LMBRD1: variants seen among roughly 807,000 people sequenced by gnomAD.
The protein encoded by LMBRD1 is LMBR1 domain containing 1, also known as lysosomal cobalamin transport escort protein LMBD1.
In LMBRD1, 64 loss-of-function variants were observed where a neutral mutation model predicts 74.8. The observed-to-expected ratio is 0.86, with a 90% confidence interval of 0.70 to 1.05. The LOEUF is 1.05. Ranked by LOEUF, LMBRD1 falls within the 50% of genes least tolerant of loss-of-function variation. LMBRD1 has a pLI of 0.00. For missense variants in LMBRD1, 652 were observed against 645.9 expected (o/e 1.01, Z -0.10); for synonymous variants, 204 against 216.3 (o/e 0.94, Z 0.50).
chr6:69,691,254 A>G, intron 14 of LMBRD1, among the ~76,000 whole-genome samples: 1 of 151,056 alleles, frequency 6.6e-6, no homozygotes, highest in East Asian at 1.9e-4. Context: ...AAAAAACTGG[A>G]ATCCAGACAT....
chr6:69,730,695 T>G (rs1470428593), intron 7 of LMBRD1, among the ~76,000 whole-genome samples: 1 of 152,046 alleles, frequency 6.6e-6, no homozygotes, highest in Non-Finnish European at 1.5e-5. Context: ...TGATTTGACA[T>G]TAAAGCAAAA....
At chr6:69,737,155 C>A (rs1766994334) in intron 7 of LMBRD1, among the ~76,000 whole-genome samples, 2 of 152,034 alleles carry the variant, frequency 1.3e-5, no homozygotes, top group African/African-American at 4.8e-5. Flanking sequence ...AAAAATGTTT[C>A]CTTTGTAACC....
At chr6:69,720,773 C>T (rs1766596676) in intron 7 of LMBRD1, among the ~76,000 whole-genome samples, 1 of 152,132 alleles carries the variant, frequency 6.6e-6, no homozygotes, top group African/African-American at 2.4e-5. Context: ...AACCAAAAAT[C>T]CAGTAAGCAA....
intron 9 of LMBRD1, among the ~76,000 whole-genome samples, chr6:69,708,602 G>C (rs1766313034): frequency 6.6e-6 from 1 of 151,726 alleles, no homozygotes; most frequent in Admixed American, 6.6e-5. Flanking sequence ...TTATGTATAT[G>C]CTAGGGAAAT....
chr6:69,787,358 C>T (rs193114047), intron 2 of LMBRD1, among the ~76,000 whole-genome samples: 4 of 152,204 alleles, frequency 2.6e-5, no homozygotes, highest in Admixed American at 1.3e-4. Context: ...TACAGACACA[C>T]AGAATGTTTC....
chr6:69,743,515 A>C (rs941232389), intron 5 of LMBRD1, among the ~76,000 whole-genome samples: 2 of 152,212 alleles, frequency 1.3e-5, no homozygotes, highest in African/African-American at 4.8e-5. Context: ...TAATCAAAAA[A>C]ACTAAAAAGA....
intron 14 of LMBRD1, among the ~76,000 whole-genome samples, chr6:69,691,249 A>G (rs551848286): frequency 6.6e-6 from 1 of 151,766 alleles, no homozygotes; most frequent in East Asian, 1.9e-4. Flanking sequence ...AAAAAAAAAA[A>G]CTGGAATCCA....
chr6:69,743,867 C>A (rs1165228807), intron 5 of LMBRD1, among the ~76,000 whole-genome samples: 2 of 152,122 alleles, frequency 1.3e-5, no homozygotes, highest in African/African-American at 4.8e-5. Context: ...ATCCAGAGGG[C>A]AGAGCAGCAC....
At chr6:69,766,837 A>T (rs12525951) in intron 3 of LMBRD1, among the ~76,000 whole-genome samples, 2 of 151,312 alleles carry the variant, frequency 1.3e-5, no homozygotes, top group African/African-American at 4.8e-5. Context: ...TCTTGTGTGA[A>T]GAAATCTAGG....
intron 5 of LMBRD1, among the ~76,000 whole-genome samples, chr6:69,747,486 T>C (rs55823739): frequency 0.097 from 14,810 of 152,238 alleles, 1,916 homozygotes; most frequent in African/African-American, 0.3. Flanking sequence ...TTATACATGT[T>C]ACTCATCTTT....
At chr6:69,762,541 A>G (rs529039720) in intron 3 of LMBRD1, among the ~76,000 whole-genome samples, 26 of 152,220 alleles carry the variant, frequency 1.7e-4, no homozygotes, top group African/African-American at 6.3e-4. Flanking sequence ...CAAAGATTCT[A>G]GTTTCTCTAT....
chr6:69,779,585 T>C (rs145374064), intron 3 of LMBRD1, among the ~76,000 whole-genome samples: 3 of 152,036 alleles, frequency 2.0e-5, no homozygotes, highest in Non-Finnish European at 2.9e-5. Flanking sequence ...TTAGAAAAAA[T>C]TTTTAGAAAA....
At chr6:69,790,175 A>G (rs768431634) in intron 2 of LMBRD1, 121 bp downstream of exon 2, 2 of 721,558 alleles carry the variant, frequency 2.8e-6, no homozygotes, top group African/African-American at 1.8e-5. Flanking sequence ...CTCAGCTTCT[A>G]TGTTGTATTT....
chr6:69,684,747 C>G (rs1015497172), intron 14 of LMBRD1, among the ~76,000 whole-genome samples: 1 of 151,824 alleles, frequency 6.6e-6, no homozygotes, highest in East Asian at 1.9e-4. Flanking sequence ...ATTTGTAAAG[C>G]TGAGCAGCAG....
At chr6:69,729,787 G>A (rs1001893951) in intron 7 of LMBRD1, among the ~76,000 whole-genome samples, 8 of 151,980 alleles carry the variant, frequency 5.3e-5, no homozygotes, top group Admixed American at 2.0e-4. Flanking sequence ...AGGTGCCATC[G>A]TTTGGTTACC....
intron 14 of LMBRD1, among the ~76,000 whole-genome samples, chr6:69,685,987 C>CAAACA (rs1157872770): frequency 6.6e-6 from 1 of 151,948 alleles, no homozygotes; most frequent in Non-Finnish European, 1.5e-5. Context: ...GTCATTATGG[C>CAAACA]AAACAAAACA....
intron 11 of LMBRD1, among the ~76,000 whole-genome samples, chr6:69,701,170 A>T (rs1766121470): frequency 6.6e-6 from 1 of 151,904 alleles, no homozygotes; most frequent in Admixed American, 6.6e-5. Flanking sequence ...AATTTGGAGA[A>T]GGTCACCTCA....
chr6:69,702,383 A>G (rs1363204818), intron 9 of LMBRD1, among the ~76,000 whole-genome samples: 1 of 151,882 alleles, frequency 6.6e-6, no homozygotes, highest in Non-Finnish European at 1.5e-5. Flanking sequence ...CATAGAAGTA[A>G]TAATATATAT....
intron 2 of LMBRD1, among the ~76,000 whole-genome samples, chr6:69,785,470 G>C (rs1384463623): frequency 6.6e-6 from 1 of 152,106 alleles, no homozygotes; most frequent in Non-Finnish European, 1.5e-5. Flanking sequence ...TAGCCTGTCC[G>C]AACTATAACT....
Sources: allele counts gnomAD v4.1 joint callset (sites outside exome capture counted in the v4.1 genomes callset), GRCh38; gene constraint gnomAD v4.1.1; transcripts MANE v1.5; gene names NCBI Gene and HGNC (gene_info 2026-07-23, HGNC 2026-07-21).